The following TMEM163 variants were observed in gnomAD, a reference collection of about 807,000 sequenced individuals.
TMEM163 encodes the protein transmembrane protein 163.
In TMEM163, 17 loss-of-function variants were observed where a neutral mutation model predicts 29.3. The ratio of observed to expected loss-of-function variants is 0.58; its 90% CI spans 0.40 to 0.87. The LOEUF is 0.87. TMEM163 is among the 40% of genes least tolerant of loss of function. The pLI is 0.00. For synonymous variants in TMEM163, 157 were observed against 160.6 expected, an observed-to-expected ratio of 0.98 and a Z score of 0.17; for missense variants, 303 against 381.5, an observed-to-expected ratio of 0.79 and a Z score of 1.71.
At chr2:134,693,409 C>T (rs1157078651) in intron 2 of TMEM163, among the ~76,000 whole-genome samples, 1 of 152,010 alleles carries the variant, frequency 6.6e-6, no homozygotes, top group Admixed American at 6.6e-5. Flanking sequence ...GAGTTCGAGA[C>T]CACCCTGGCC....
chr2:134,705,007 C>T (rs1040878220), intron 2 of TMEM163, among the ~76,000 whole-genome samples: 6 of 151,858 alleles, frequency 4.0e-5, no homozygotes, highest in East Asian at 1.9e-4. Context: ...GTCAGGAGTT[C>T]GAGACCAGCC....
intron 5 of TMEM163, among the ~76,000 whole-genome samples, chr2:134,485,947 G>T (rs1679296553): frequency 6.6e-6 from 1 of 152,204 alleles, no homozygotes; most frequent in Non-Finnish European, 1.5e-5. Context: ...TAGCACACCT[G>T]TGGCCTGCTC....
At chr2:134,671,055 G>A (rs115885497) in intron 2 of TMEM163, among the ~76,000 whole-genome samples, 223 of 152,292 alleles carry the variant, frequency 1.5e-3, no homozygotes, top group African/African-American at 5.1e-3. Flanking sequence ...CTCTGGGAAC[G>A]ATGTCTGTGT....
chr2:134,613,243 GA>G (rs1371192196), intron 2 of TMEM163, among the ~76,000 whole-genome samples: 10 of 152,082 alleles, frequency 6.6e-5, no homozygotes, highest in African/African-American at 2.4e-4. Context: ...AAAGCTAAAG[GA>G]AAATTAAGTT....
chr2:134,502,814 G>A (rs1679727718), intron 5 of TMEM163, 87 bp downstream of exon 5: 16 of 1,146,238 alleles, frequency 1.4e-5, no homozygotes, highest in South Asian at 1.2e-4. Context: ...CAACATGCCC[G>A]ACTCCACCCG....
At chr2:134,690,667 C>T (rs1684444905) in intron 2 of TMEM163, among the ~76,000 whole-genome samples, 1 of 152,222 alleles carries the variant, frequency 6.6e-6, no homozygotes. Flanking sequence ...CCACTGAATT[C>T]TTCAGAGCCT....
intron 2 of TMEM163, among the ~76,000 whole-genome samples, chr2:134,601,598 G>A (rs931994184): frequency 2.0e-5 from 3 of 152,208 alleles, no homozygotes; most frequent in Non-Finnish European, 4.4e-5. Context: ...TCCTAAATGG[G>A]TTCCAAGGTT....
At chr2:134,618,137 C>T (rs760934492) in intron 2 of TMEM163, among the ~76,000 whole-genome samples, 1 of 151,842 alleles carries the variant, frequency 6.6e-6, no homozygotes, top group Admixed American at 6.6e-5. Flanking sequence ...AAAAAAAAGG[C>T]AAGCTCCAAC....
At chr2:134,567,943 C>T (rs781697879) in intron 2 of TMEM163, among the ~76,000 whole-genome samples, 2 of 152,162 alleles carry the variant, frequency 1.3e-5, no homozygotes, top group Non-Finnish European at 2.9e-5. Flanking sequence ...TATATCGTCT[C>T]CTCTGTTAGG....
chr2:134,610,588 TA>T (rs1007557170), intron 2 of TMEM163, among the ~76,000 whole-genome samples: 1 of 152,118 alleles, frequency 6.6e-6, no homozygotes, highest in Non-Finnish European at 1.5e-5. Flanking sequence ...CTACAGGTCA[TA>T]AGTCGATGGG....
chr2:134,619,857 C>A (rs1355707147), intron 2 of TMEM163, among the ~76,000 whole-genome samples: 5 of 152,118 alleles, frequency 3.3e-5, no homozygotes, highest in African/African-American at 1.2e-4. Context: ...GACACAAGAT[C>A]AATATACAAA....
intron 2 of TMEM163, among the ~76,000 whole-genome samples, chr2:134,704,938 G>T (rs1471053087): frequency 1.3e-5 from 2 of 152,092 alleles, no homozygotes; most frequent in African/African-American, 4.8e-5. Flanking sequence ...GCCGGGTGTG[G>T]TGGCTCACAC....
chr2:134,522,480 G>GCTA, intron 4 of TMEM163, among the ~76,000 whole-genome samples: 1 of 152,360 alleles, frequency 6.6e-6, no homozygotes, highest in Middle Eastern at 3.4e-3. Context: ...CATCCGAAGT[G>GCTA]CTAGCACTTT....
intron 4 of TMEM163, among the ~76,000 whole-genome samples, chr2:134,516,224 G>A (rs1406967373): frequency 1.3e-5 from 2 of 152,096 alleles, no homozygotes; most frequent in Non-Finnish European, 2.9e-5. Context: ...GTAGGCACAG[G>A]TCATCCAAGA....
At chr2:134,475,843 T>C (rs991313897) in intron 5 of TMEM163, among the ~76,000 whole-genome samples, 6 of 152,174 alleles carry the variant, frequency 3.9e-5, no homozygotes, top group African/African-American at 9.7e-5. Context: ...ATACCAAGTA[T>C]GTGAGGATGT....
At chr2:134,649,356 C>G (rs1236534462) in intron 2 of TMEM163, among the ~76,000 whole-genome samples, 1 of 152,202 alleles carries the variant, frequency 6.6e-6, no homozygotes, top group African/African-American at 2.4e-5. Context: ...GTCCTAGTGC[C>G]TATGACTGAT....
intron 7 of TMEM163, 67 bp downstream of exon 7, chr2:134,457,965 G>T: frequency 6.2e-7 from 1 of 1,605,940 alleles, no homozygotes; most frequent in Non-Finnish European, 8.5e-7. Context: ...TTCCTGACTG[G>T]GGAAGGCGGT....
intron 2 of TMEM163, among the ~76,000 whole-genome samples, chr2:134,671,191 G>A (rs1415292769): frequency 2.6e-5 from 4 of 152,188 alleles, no homozygotes; most frequent in Admixed American, 6.5e-5. Context: ...CACCTGGCCC[G>A]TAGTTCTCAG....
chr2:134,532,237 C>T (rs1015848033), intron 4 of TMEM163, among the ~76,000 whole-genome samples: 1 of 152,096 alleles, frequency 6.6e-6, no homozygotes, highest in African/African-American at 2.4e-5. Flanking sequence ...AAATGCTGGC[C>T]CAGCTATTAA....
Sources: gnomAD v4.1 joint callset for allele counts (sites outside exome capture counted in the v4.1 genomes callset) on GRCh38, gnomAD v4.1.1 for gene constraint, MANE v1.5 for transcripts, NCBI Gene and HGNC (gene_info 2026-07-23, HGNC 2026-07-21) for gene names.